The following RNF13 variants were observed in gnomAD, a reference collection of about 807,000 sequenced individuals.
RNF13 encodes E3 ubiquitin-protein ligase RNF13.
A neutral mutation model predicts 37.7 loss-of-function variants in RNF13; 19 were observed. That is an observed-to-expected ratio of 0.50 (90% CI 0.35 to 0.74). The LOEUF is 0.74. RNF13 is among the 30% of genes least tolerant of loss of function. The probability of loss-of-function intolerance (pLI) is 0.01; values close to 1 mark genes in which losing one functional copy is unlikely to be tolerated. For synonymous variants in RNF13, 144 were observed against 157.8 expected, an observed-to-expected ratio of 0.91 and a Z score of 0.65; for missense variants, 375 against 453.0, an observed-to-expected ratio of 0.83 and a Z score of 1.56.
intron 1 of RNF13, among the ~76,000 whole-genome samples, chr3:149,819,159 A>G (rs1441492446): frequency 6.6e-6 from 1 of 152,198 alleles, no homozygotes. Flanking sequence ...CTTGTAAAAT[A>G]TCTCTTGCAC....
At chr3:149,901,724 G>T (rs181663421) in intron 5 of RNF13, among the ~76,000 whole-genome samples, 17 of 152,268 alleles carry the variant, frequency 1.1e-4, no homozygotes, top group Admixed American at 1.1e-3. Context: ...ATTAAGTTAT[G>T]TGTGGGAAGA....
chr3:149,921,124 T>C lies in RNF13; in HGVS notation c.607-10T>C. ...ATATCTGACTCCTTTTTTTACTCTT[T>C]TATTTTTAGATCACAAAATTTGTCC... is the stretch of plus-strand genomic sequence containing the variant. On this transcript the variant is annotated splice_polypyrimidine_tract_variant and intron_variant, in intron 7 of 9. Transcript: ENST00000392894. 1 of 1,239,002 alleles carries C rather than the reference T, an allele frequency of 8.1e-7. No individual in the cohort carries two copies. Among genetic ancestry groups the C allele is most frequent in the Non-Finnish European group, 1.1e-6 (1 of 931,364 alleles). The allele number at this position is 1,239,002 out of a possible 1,614,324, so 76.8% of individuals were successfully genotyped here.
chr3:149,933,144 G>A (rs1719326997), intron 8 of RNF13, among the ~76,000 whole-genome samples: 1 of 152,148 alleles, frequency 6.6e-6, no homozygotes, highest in South Asian at 2.1e-4. Flanking sequence ...GGAGCAGCCA[G>A]GATGCAGGGA....
chr3:149,934,538 G>A (rs1232952147), intron 8 of RNF13, among the ~76,000 whole-genome samples: 2 of 151,606 alleles, frequency 1.3e-5, no homozygotes, highest in African/African-American at 4.8e-5. Flanking sequence ...GATATGCTGT[G>A]TTTCCATTTT....
At chr3:149,953,940 T>C (rs1403609631) in intron 8 of RNF13, among the ~76,000 whole-genome samples, 1 of 152,198 alleles carries the variant, frequency 6.6e-6, no homozygotes, top group East Asian at 1.9e-4. Flanking sequence ...ATAAAAATCA[T>C]AAAATATTAG....
At chr3:149,830,765 A>C (rs1329597782) in intron 1 of RNF13, among the ~76,000 whole-genome samples, 1 of 151,934 alleles carries the variant, frequency 6.6e-6, no homozygotes, top group Non-Finnish European at 1.5e-5. Context: ...AAAATAGGGA[A>C]AATGTCTCCA....
chr3:149,855,070 T>C (rs578220759), intron 3 of RNF13, among the ~76,000 whole-genome samples: 2 of 152,258 alleles, frequency 1.3e-5, no homozygotes, highest in South Asian at 2.1e-4. Context: ...ACATCTGCAG[T>C]CCCAGCACTT....
At chr3:149,947,427 C>T (rs138863835) in intron 8 of RNF13, among the ~76,000 whole-genome samples, 1,726 of 149,064 alleles carry the variant, frequency 0.012, 41 homozygotes, top group African/African-American at 0.04. Context: ...TTTTTAAAGG[C>T]GGAGTTTCGC....
intron 8 of RNF13, among the ~76,000 whole-genome samples, chr3:149,947,430 A>T (rs1576586236): frequency 1.4e-5 from 2 of 146,002 alleles, no homozygotes; most frequent in Admixed American, 6.8e-5. Context: ...TTAAAGGCGG[A>T]GTTTCGCTCT....
intron 4 of RNF13, among the ~76,000 whole-genome samples, chr3:149,892,865 A>G (rs752064709): frequency 6.6e-6 from 1 of 152,186 alleles, no homozygotes; most frequent in Non-Finnish European, 1.5e-5. Context: ...ATAAGACACT[A>G]TATAAGATCT....
chr3:149,852,679 C>T, intron 3 of RNF13, 83 bp downstream of exon 3: 2 of 620,370 alleles, frequency 3.2e-6, no homozygotes, highest in South Asian at 5.7e-5. Context: ...AGAATGAAAT[C>T]ATTTCTTACT....
At chr3:149,831,599 A>G (rs1413485590) in intron 1 of RNF13, among the ~76,000 whole-genome samples, 2 of 152,194 alleles carry the variant, frequency 1.3e-5, no homozygotes, top group Non-Finnish European at 2.9e-5. Context: ...TTACAGGCTC[A>G]TAGGCGGAAC....
chr3:149,927,140 TC>T (rs1379344007), intron 8 of RNF13, among the ~76,000 whole-genome samples: 1 of 152,190 alleles, frequency 6.6e-6, no homozygotes, highest in African/African-American at 2.4e-5. Context: ...AAACAGTAAC[TC>T]CCCATTTCCA....
intron 8 of RNF13, among the ~76,000 whole-genome samples, chr3:149,928,275 A>G (rs895898686): frequency 6.6e-6 from 1 of 151,956 alleles, no homozygotes; most frequent in Non-Finnish European, 1.5e-5. Flanking sequence ...GATTTACCCT[A>G]TGTTTTCTTC....
At chr3:149,850,269 C>T (rs1040892476) in intron 2 of RNF13, among the ~76,000 whole-genome samples, 1 of 152,156 alleles carries the variant, frequency 6.6e-6, no homozygotes, top group South Asian at 2.1e-4. Flanking sequence ...TGTGAGCCAC[C>T]ACATCCGGCC....
intron 8 of RNF13, among the ~76,000 whole-genome samples, chr3:149,958,365 C>T (rs900622596): frequency 6.6e-6 from 1 of 152,138 alleles, no homozygotes; most frequent in East Asian, 1.9e-4. Flanking sequence ...GACCCTTCTT[C>T]CCCCTATCTT....
intron 6 of RNF13, among the ~76,000 whole-genome samples, chr3:149,903,003 A>G (rs1284965934): frequency 6.6e-6 from 1 of 152,142 alleles, no homozygotes; most frequent in Non-Finnish European, 1.5e-5. Flanking sequence ...AACTGGCACA[A>G]TGAAATCCAA....
chr3:149,817,463 C>T (rs755842311), intron 1 of RNF13: 1 of 152,154 alleles, frequency 6.6e-6, no homozygotes, highest in Non-Finnish European at 1.5e-5. Flanking sequence ...CATTTATAAA[C>T]ATATGTTGAA....
Position 149,961,391 on chromosome 3 carries a change from C to A in RNF13, c.*287C>A, listed in dbSNP as rs1028566683. On this transcript the variant is annotated 3_prime_UTR_variant, in exon 10 of 10. Transcript: ENST00000392894. ...AAAAAAAAATCCTCAGTATAGCTTG[C>A]AATTAAGACCTAGATCACAGTATTT... The A allele has an allele frequency of 9.2e-6, 5 of 546,168 alleles. No homozygotes were observed. The highest frequency in any genetic ancestry group is 1.7e-5 in the Non-Finnish European group (5 of 290,062). The allele number at this position is 546,168 out of a possible 1,614,324, so 33.8% of individuals were successfully genotyped here.
Sources: gnomAD v4.1 joint callset for allele counts (sites outside exome capture counted in the v4.1 genomes callset) on GRCh38, gnomAD v4.1.1 for gene constraint, MANE v1.5 for transcripts, NCBI Gene and HGNC (gene_info 2026-07-23, HGNC 2026-07-21) for gene names.